The following ACOT12 variants were observed in gnomAD, a reference collection of about 807,000 sequenced individuals.
The protein encoded by ACOT12 is acyl-CoA thioesterase 12.
In ACOT12, 51 loss-of-function variants were observed where a neutral mutation model predicts 67.7. That is an observed-to-expected ratio of 0.75 (90% CI 0.60 to 0.95). The LOEUF (loss-of-function observed/expected upper bound fraction) is 0.95, where lower values mean the gene tolerates loss of function less well. ACOT12 is among the 40% of genes least tolerant of loss of function. The pLI, the probability that ACOT12 is intolerant of heterozygous loss-of-function variation, is 0.00. For synonymous variants in ACOT12, 251 were observed against 244.6 expected, an observed-to-expected ratio of 1.03 and a Z score of -0.24; for missense variants, 734 against 708.1, an observed-to-expected ratio of 1.04 and a Z score of -0.41.
intron 5 of ACOT12, among the ~76,000 whole-genome samples, chr5:81,351,714 A>C (rs954490733): frequency 1.1e-4 from 16 of 152,206 alleles, no homozygotes; most frequent in Non-Finnish European, 2.4e-4. Flanking sequence ...ATTGAGCAGT[A>C]CCCCACAAGC....
intron 2 of ACOT12, among the ~76,000 whole-genome samples, chr5:81,383,475 G>T (rs1391823481): frequency 6.6e-6 from 1 of 152,186 alleles, no homozygotes; most frequent in Non-Finnish European, 1.5e-5. Flanking sequence ...GGCTACAGTG[G>T]ATGTAAATTC....
chr5:81,366,489 C>T (rs1175122243), intron 3 of ACOT12, among the ~76,000 whole-genome samples: 1 of 152,052 alleles, frequency 6.6e-6, no homozygotes, highest in East Asian at 1.9e-4. Flanking sequence ...AGGATAAGGC[C>T]AGATAGTAAA....
chr5:81,376,718 C>G (rs1040255299), intron 2 of ACOT12, among the ~76,000 whole-genome samples: 1 of 152,078 alleles, frequency 6.6e-6, no homozygotes, highest in Non-Finnish European at 1.5e-5. Context: ...CACCTCTACG[C>G]AAATAAACTA....
intron 1 of ACOT12, among the ~76,000 whole-genome samples, chr5:81,388,907 A>AT (rs1372160249): frequency 6.6e-6 from 1 of 151,910 alleles, no homozygotes; most frequent in African/African-American, 2.4e-5. Flanking sequence ...CTTGGTTCTC[A>AT]TTTTCTCTCC....
At chr5:81,384,269 C>T (rs186336559) in intron 2 of ACOT12, among the ~76,000 whole-genome samples, 3 of 151,752 alleles carry the variant, frequency 2.0e-5, no homozygotes, top group Non-Finnish European at 4.4e-5. Context: ...GGATTACAAG[C>T]GCCCGTCATC....
chr5:81,353,553 A>T (rs892927699), intron 5 of ACOT12, among the ~76,000 whole-genome samples: 2 of 152,254 alleles, frequency 1.3e-5, no homozygotes, highest in African/African-American at 4.8e-5. Context: ...AAAATTAACC[A>T]TGATAATGCT....
intron 11 of ACOT12, among the ~76,000 whole-genome samples, chr5:81,337,179 A>G (rs1459472339): frequency 6.6e-6 from 1 of 152,136 alleles, no homozygotes; most frequent in Non-Finnish European, 1.5e-5. Flanking sequence ...CAGTCATCCA[A>G]TCGGTGGTTG....
At chr5:81,370,914 G>A (rs4703520) in intron 3 of ACOT12, among the ~76,000 whole-genome samples, 77,814 of 152,024 alleles carry the variant, frequency 0.51, 21,922 homozygotes, top group African/African-American at 0.73. Context: ...TAACCTGAAT[G>A]GAGATCTCAA....
chr5:81,364,429 ATTTT>A (rs1371622814), intron 3 of ACOT12, among the ~76,000 whole-genome samples: 1 of 146,596 alleles, frequency 6.8e-6, no homozygotes, highest in Non-Finnish European at 1.5e-5. Context: ...TTATGTTCTA[ATTTT>A]TTTTTTTTGT....
intron 3 of ACOT12, among the ~76,000 whole-genome samples, chr5:81,370,092 C>T (rs1760201167): frequency 6.6e-6 from 1 of 152,112 alleles, no homozygotes; most frequent in African/African-American, 2.4e-5. Flanking sequence ...ATCATCCTGG[C>T]CAACATGGTG....
chr5:81,371,959 T>A, intron 2 of ACOT12, 149 bp from the exon 3 acceptor site: 1 of 683,350 alleles, frequency 1.5e-6, no homozygotes. Context: ...TTAATGATAA[T>A]GGAAAAAGAC....
intron 1 of ACOT12, among the ~76,000 whole-genome samples, chr5:81,389,195 C>T (rs1295800267): frequency 6.6e-6 from 1 of 152,094 alleles, no homozygotes; most frequent in African/African-American, 2.4e-5. Flanking sequence ...GAGGGGAAGG[C>T]CTGCTGAGCA....
At position 81,364,521 on chromosome 5, in the gene ACOT12, G is replaced by A. The variant is rs555833343; in HGVS notation, c.259-632C>T. 2.8e-3 allele frequency among the ~76,000 whole-genome samples: 426 copies of A among 151,888 alleles called. 3 individuals carry two copies. Among genetic ancestry groups the A allele is most frequent in the Non-Finnish European group, 4.2e-3 (286 of 67,968 alleles). On this transcript the variant is annotated intron_variant, in intron 3 of 14. Coordinates refer to ENST00000307624, the MANE Select transcript of ACOT12 (RefSeq NM_130767.3). Reference sequence around the variant, plus strand: ...TGGCTCACTGCAACCTCCACCTCCCGGGTTCAAGCCATTCTCTTGCCTCAG... The same window carrying A: ...TGGCTCACTGCAACCTCCACCTCCCAGGTTCAAGCCATTCTCTTGCCTCAG...
At chr5:81,326,336 C>T (rs1758676196), downstream of ACOT12, among the ~76,000 whole-genome samples, 1 of 151,854 alleles carries the variant, frequency 6.6e-6, no homozygotes, top group Admixed American at 6.6e-5. Flanking sequence ...GTTGGTCAGG[C>T]TGGTCTCAAG....
intron 5 of ACOT12, among the ~76,000 whole-genome samples, chr5:81,352,465 T>C (rs925896335): frequency 6.6e-6 from 1 of 152,206 alleles, no homozygotes; most frequent in Admixed American, 6.5e-5. Flanking sequence ...ACAACATGGA[T>C]GGAACTGGAG....
chr5:81,351,793 A>C (rs1394463150), intron 5 of ACOT12, among the ~76,000 whole-genome samples: 1 of 152,216 alleles, frequency 6.6e-6, no homozygotes, highest in Non-Finnish European at 1.5e-5. Context: ...ACAGCAAAGA[A>C]AACAATCAAC....
chr5:81,352,752 ATTGT>A (rs1169472531), intron 5 of ACOT12, among the ~76,000 whole-genome samples: 2 of 152,116 alleles, frequency 1.3e-5, no homozygotes, highest in Non-Finnish European at 2.9e-5. Flanking sequence ...GTATCATTGG[ATTGT>A]TTGTCACACT....
In ACOT12 at chr5:81,359,971, C is replaced by T. The variant is rs552586784; in HGVS notation, c.428G>A (p.Arg143Lys). ...DHVEHNLAAERRKVRLQHEDT... is the reference protein window; with the variant it reads ...DHVEHNLAAEKRKVRLQHEDT... ...TTCATGTTGTAATCGAACTTTCCTT[C>T]TCTCAGCAGCCAGATTATGTTCCAC... Residue 143 changes from arginine to lysine, a missense_variant, in exon 5 of 15, where the codon AGA becomes AAA. Physicochemically the swap from Arg to Lys is conservative, Grantham distance 26. Coordinates refer to ENST00000307624, the MANE Select transcript of ACOT12 (RefSeq NM_130767.3). 2.1e-5 allele frequency: 34 copies of T among 1,612,804 alleles called. No individual in the cohort carries two copies. Among genetic ancestry groups the T allele is most frequent in the East Asian group, 4.5e-5 (2 of 44,768 alleles).
At chr5:81,358,028 A>G (rs868042017) in intron 5 of ACOT12, among the ~76,000 whole-genome samples, 170 of 137,050 alleles carry the variant, frequency 1.2e-3, no homozygotes, top group South Asian at 3.3e-3. Flanking sequence ...AAAAAAAAAA[A>G]AAGAAGAAGA....
Sources: gnomAD v4.1 joint callset for allele counts (sites outside exome capture counted in the v4.1 genomes callset) on GRCh38, gnomAD v4.1.1 for gene constraint, MANE v1.5 for transcripts, NCBI Gene and HGNC (gene_info 2026-07-23, HGNC 2026-07-21) for gene names.